KCNQ5: variants seen among roughly 807,000 people sequenced by gnomAD.
KCNQ5 encodes the protein potassium voltage-gated channel subfamily Q member 5.
KCNQ5 carries 30 observed loss-of-function variants against 98.2 expected under a neutral mutation model. That is an observed-to-expected ratio of 0.31 (90% CI 0.23 to 0.41). The LOEUF (loss-of-function observed/expected upper bound fraction) is 0.41. KCNQ5 is among the 10% of genes least tolerant of loss of function. KCNQ5 has a pLI of 1.00. For missense variants in KCNQ5, 835 were observed against 1,182.5 expected, an observed-to-expected ratio of 0.71 and a Z score of 4.31; for synonymous variants, 458 against 449.4, an observed-to-expected ratio of 1.02 and a Z score of -0.24.
chr6:73,080,311 T>TA (rs1210235039), intron 5 of KCNQ5, among the ~76,000 whole-genome samples: 5 of 152,042 alleles, frequency 3.3e-5, no homozygotes, highest in East Asian at 1.9e-4. Context: ...TTTCTATTTT[T>TA]AAAAAAAATC....
intron 1 of KCNQ5, among the ~76,000 whole-genome samples, chr6:72,660,157 G>T (rs1321064289): frequency 1.3e-5 from 2 of 152,160 alleles, no homozygotes; most frequent in Non-Finnish European, 2.9e-5. Context: ...AATGTGTGTT[G>T]ATCACTTACT....
At chr6:73,147,525 G>C (rs1776972410) in intron 10 of KCNQ5, among the ~76,000 whole-genome samples, 1 of 152,008 alleles carries the variant, frequency 6.6e-6, no homozygotes, top group Admixed American at 6.6e-5. Context: ...ATAATACTAT[G>C]TATCAGGGAC....
intron 3 of KCNQ5, among the ~76,000 whole-genome samples, chr6:73,051,250 C>T (rs1370960657): frequency 1.3e-5 from 2 of 152,126 alleles, no homozygotes; most frequent in Non-Finnish European, 2.9e-5. Flanking sequence ...GGCAGCCCCA[C>T]GCTCACCACT....
At chr6:72,893,200 A>G (rs1779121424) in intron 1 of KCNQ5, among the ~76,000 whole-genome samples, 1 of 152,212 alleles carries the variant, frequency 6.6e-6, no homozygotes, top group Admixed American at 6.5e-5. Context: ...CCAGCAGAGC[A>G]CATGGGAAGC....
intron 1 of KCNQ5, among the ~76,000 whole-genome samples, chr6:72,694,009 T>C (rs1768350434): frequency 6.6e-6 from 1 of 152,208 alleles, no homozygotes; most frequent in Admixed American, 6.5e-5. Context: ...GATTTAATTT[T>C]TTCCTATGGG....
intron 1 of KCNQ5, among the ~76,000 whole-genome samples, chr6:72,958,817 G>GA (rs1159406570): frequency 4.6e-5 from 7 of 152,092 alleles, no homozygotes; most frequent in Non-Finnish European, 1.0e-4. Context: ...CTGAAAACAG[G>GA]AAAAAATGTG....
chr6:72,640,080 C>T (rs1034272932), intron 1 of KCNQ5, among the ~76,000 whole-genome samples: 1 of 152,102 alleles, frequency 6.6e-6, no homozygotes, highest in Admixed American at 6.5e-5. Context: ...AGAAGGCTAC[C>T]TGGTGTGTGA....
At chr6:73,145,830 T>C (rs1296617447) in intron 10 of KCNQ5, among the ~76,000 whole-genome samples, 9 of 152,162 alleles carry the variant, frequency 5.9e-5, no homozygotes, top group African/African-American at 1.7e-4. Flanking sequence ...CCACAACCTG[T>C]ACAGGAAGCA....
intron 1 of KCNQ5, among the ~76,000 whole-genome samples, chr6:72,773,402 T>G (rs959306609): frequency 2.0e-5 from 3 of 152,036 alleles, no homozygotes; most frequent in Admixed American, 6.6e-5. Flanking sequence ...AGTTGAGCGA[T>G]GAGAACACAT....
At chr6:72,845,954 CAT>C (rs1777000163) in intron 1 of KCNQ5, among the ~76,000 whole-genome samples, 1 of 152,094 alleles carries the variant, frequency 6.6e-6, no homozygotes, top group Admixed American at 6.6e-5. Context: ...ATGTTATAGC[CAT>C]TTCTACTCAG....
chr6:72,841,756 TAAAC>T (rs1776804772), intron 1 of KCNQ5, among the ~76,000 whole-genome samples: 1 of 152,170 alleles, frequency 6.6e-6, no homozygotes, highest in African/African-American at 2.4e-5. Flanking sequence ...TAATCCTAAT[TAAAC>T]AAAGTCCCAG....
At position 72,741,001 on chromosome 6, in the gene KCNQ5, C is replaced by T. The variant is rs371487540; in HGVS notation, c.398+118414C>T. ...AGTAACACCATTAGAGGGCTCTTTC[C>T]TGGTGAAAAACTTAAAAGTGTCAGG... On this transcript the variant is annotated intron_variant, in intron 1 of 13. Transcript: ENST00000370398. Among the ~76,000 whole-genome samples the T allele has an allele frequency of 2.0e-4, 30 of 152,252 alleles. No homozygotes were observed. The East Asian group carries it at 2.1e-3, about 11-fold the overall frequency.
intron 1 of KCNQ5, among the ~76,000 whole-genome samples, chr6:72,706,245 A>G (rs746442856): frequency 6.7e-4 from 102 of 152,016 alleles, no homozygotes; most frequent in South Asian, 1.0e-3. Flanking sequence ...ATTAAAGCAG[A>G]AACATTAACA....
Position 72,867,194 on chromosome 6 carries a change from C to CA in KCNQ5, c.399-136708dup, listed in dbSNP as rs1778023520. Among the ~76,000 whole-genome samples, 3 of 152,160 alleles carry CA rather than the reference C, an allele frequency of 2.0e-5. No homozygotes were observed. The East Asian group carries it at 5.8e-4, about 29-fold the overall frequency. On this transcript the variant is annotated intron_variant, in intron 1 of 13. Coordinates refer to ENST00000370398, the MANE Select transcript of KCNQ5 (RefSeq NM_019842.4). ...AATTGTAATCTAACTAAATATATCA[C>CA]AAAAAATTTGCTTAGCTTTTGCTTT...
intron 1 of KCNQ5, among the ~76,000 whole-genome samples, chr6:72,681,844 T>G (rs1239064839): frequency 6.6e-6 from 1 of 152,134 alleles, no homozygotes; most frequent in Non-Finnish European, 1.5e-5. Context: ...GAATATGGAG[T>G]CAGTCTAAAT....
At position 73,195,549 on chromosome 6, in the gene KCNQ5, A is replaced by G. The variant is rs1765763863; in HGVS notation, c.*135A>G. On this transcript the variant is annotated 3_prime_UTR_variant, in exon 14 of 14. Transcript: ENST00000370398. ...ATGAAAGGCAGTTTATAAGCCCGTT[A>G]CCTTTTAATTGCATGAAAATGCATG... 2 of 1,125,342 alleles carry G rather than the reference A, an allele frequency of 1.8e-6. No homozygotes were observed. Among genetic ancestry groups the G allele is most frequent in the Non-Finnish European group, 2.5e-6 (2 of 799,502 alleles). The allele number at this position is 1,125,342 out of a possible 1,614,324, so 69.7% of individuals were successfully genotyped here. A position where few individuals can be genotyped will look rare whatever the true frequency, so the allele number is the denominator to read the frequency against.
At chr6:72,948,641 A>T (rs956898627) in intron 1 of KCNQ5, among the ~76,000 whole-genome samples, 20 of 152,210 alleles carry the variant, frequency 1.3e-4, no homozygotes, top group African/African-American at 4.8e-4. Context: ...TTTTCAAAAA[A>T]ATTTTCCTTA....
chr6:73,038,559 G>C (rs1326035335), intron 2 of KCNQ5, among the ~76,000 whole-genome samples: 2 of 151,928 alleles, frequency 1.3e-5, no homozygotes, highest in East Asian at 3.9e-4. Context: ...AACTTGCCAA[G>C]AGTTTTTTTT....
chr6:72,910,188 T>A (rs545649490), intron 1 of KCNQ5, among the ~76,000 whole-genome samples: 2 of 152,298 alleles, frequency 1.3e-5, no homozygotes, highest in African/African-American at 4.8e-5. Flanking sequence ...TGATTATTAT[T>A]TATAATATTA....
Sources: allele counts gnomAD v4.1 joint callset (sites outside exome capture counted in the v4.1 genomes callset), GRCh38; gene constraint gnomAD v4.1.1; transcripts MANE v1.5; gene names NCBI Gene and HGNC (gene_info 2026-07-23, HGNC 2026-07-21).